Variants in CLDN1 observed in about 807,000 individuals in gnomAD.
CLDN1 encodes claudin-1.
In CLDN1, 12 loss-of-function variants were observed where a neutral mutation model predicts 22.6. That is an observed-to-expected ratio of 0.53 (90% CI 0.34 to 0.86). The LOEUF (loss-of-function observed/expected upper bound fraction) is 0.86. Ranked by LOEUF, CLDN1 falls within the 40% of genes least tolerant of loss-of-function variation. The probability of loss-of-function intolerance (pLI) is 0.02; values close to 1 mark genes in which losing one functional copy is unlikely to be tolerated. For missense variants in CLDN1, 250 were observed against 269.5 expected (o/e 0.93, Z 0.51); for synonymous variants, 99 against 103.8 (o/e 0.95, Z 0.28).
intron 2 of CLDN1, among the ~76,000 whole-genome samples, chr3:190,311,418 G>A (rs1298105153): frequency 1.3e-5 from 2 of 152,074 alleles, no homozygotes; most frequent in Non-Finnish European, 2.9e-5. Context: ...TGAGAGACTG[G>A]TCATTTTAAA....
At chr3:190,314,938 G>A (rs1381875372) in intron 1 of CLDN1, among the ~76,000 whole-genome samples, 2 of 152,040 alleles carry the variant, frequency 1.3e-5, no homozygotes, top group South Asian at 2.1e-4. Context: ...CATGTTCCAC[G>A]GACCACAGGT....
intron 1 of CLDN1, among the ~76,000 whole-genome samples, chr3:190,319,107 A>G (rs1258510547): frequency 1.3e-5 from 2 of 152,158 alleles, no homozygotes; most frequent in African/African-American, 4.8e-5. Context: ...CTCCTACAGC[A>G]ACTCAATCTT....
In CLDN1 at chr3:190,308,228, T is replaced by G. The variant is rs1716511443; in HGVS notation, c.*49A>C. 2 of 1,601,850 alleles carry G rather than the reference T, an allele frequency of 1.2e-6. No homozygotes were observed. Among genetic ancestry groups the G allele is most frequent in the East Asian group, 4.5e-5 (2 of 44,818 alleles). On this transcript the variant is annotated 3_prime_UTR_variant, in exon 4 of 4. Transcript: ENST00000295522. ...CCTAATGTTAATGATAGTATCTCAA[T>G]GTCCATTTTCGGTTTGTTTCAACAT...
At chr3:190,308,512 A>G in intron 3 of CLDN1, 73 bp from the exon 4 acceptor site, 1 of 1,369,086 alleles carries the variant, frequency 7.3e-7, no homozygotes, top group Non-Finnish European at 1.0e-6. Flanking sequence ...AAAAGGAAAA[A>G]AAATCAATAC....
chr3:190,318,506 C>A (rs1716829527), intron 1 of CLDN1, among the ~76,000 whole-genome samples: 1 of 152,164 alleles, frequency 6.6e-6, no homozygotes, highest in South Asian at 2.1e-4. Context: ...ATCATAGATT[C>A]ATCTCCCCAT....
In CLDN1 at chr3:190,312,981, T is replaced by C. The variant is rs766330594; in HGVS notation, c.279A>G (p.Ile93Met). The C allele has an allele frequency of 6.2e-7, 1 of 1,614,182 alleles. No homozygotes were observed. The highest frequency in any genetic ancestry group is 8.5e-7 in the Non-Finnish European group (1 of 1,180,028). ...TGCCAACGGTGGCCACAAAGATTGCTATCACTCCCAGGAGGATGCCAACCA... is the reference window on the plus strand; with the variant it reads ...TGCCAACGGTGGCCACAAAGATTGCCATCACTCCCAGGAGGATGCCAACCA... The part of the protein sequence containing the change: ...LMVVGILLGV[I>M]AIFVATVGMK... The change falls in exon 2 of 4, where the codon ATA (isoleucine) becomes ATG (methionine). Residue 93 changes from isoleucine (I) to methionine (M), a missense_variant. By Grantham distance (10) the Ile-to-Met change is conservative. Coordinates refer to ENST00000295522, the MANE Select transcript of CLDN1 (RefSeq NM_021101.5).
At chr3:190,317,372 C>T (rs1471259648) in intron 1 of CLDN1, among the ~76,000 whole-genome samples, 1 of 152,022 alleles carries the variant, frequency 6.6e-6, no homozygotes, top group Non-Finnish European at 1.5e-5. Context: ...ATTAAAGACC[C>T]CCTAAGGAGT....
chr3:190,318,749 C>T (rs1281830533), intron 1 of CLDN1, among the ~76,000 whole-genome samples: 2 of 152,174 alleles, frequency 1.3e-5, no homozygotes, highest in Admixed American at 1.3e-4. Context: ...TCAGCAGGCA[C>T]AACGCATCTG....
At chr3:190,309,914 A>C (rs1423624595) in intron 3 of CLDN1, among the ~76,000 whole-genome samples, 2 of 152,226 alleles carry the variant, frequency 1.3e-5, no homozygotes, top group Non-Finnish European at 2.9e-5. Flanking sequence ...AACAAAAGAA[A>C]GCCCAGTTAT....
At chr3:190,319,615 C>T (rs946752812) in intron 1 of CLDN1, among the ~76,000 whole-genome samples, 9 of 152,122 alleles carry the variant, frequency 5.9e-5, no homozygotes, top group African/African-American at 2.2e-4. Context: ...TGCATCTGGC[C>T]GGGAAGACAA....
chr3:190,310,325 C>A, intron 2 of CLDN1, 72 bp from the exon 3 acceptor site: 3 of 1,162,926 alleles, frequency 2.6e-6, no homozygotes, highest in South Asian at 2.5e-5. Flanking sequence ...CCTGTTAAAC[C>A]AAAACATATT....
intron 2 of CLDN1, among the ~76,000 whole-genome samples, chr3:190,311,220 T>C (rs781463887): frequency 6.6e-6 from 1 of 152,200 alleles, no homozygotes. Flanking sequence ...ATGTGGGAGT[T>C]ACAAGAAGGC....
chr3:190,317,161 AC>A lies in CLDN1; in HGVS notation c.224-4126del, dbSNP rs529092350. ...CTTTGAATTGGTCTGATTAGAACAA[AC>A]CTAGGAACAAACATATTCCTTTTCT... On this transcript the variant is annotated intron_variant, in intron 1 of 3. Transcript: ENST00000295522. 1.0e-3 allele frequency among the ~76,000 whole-genome samples: 153 copies of A among 152,290 alleles called. 1 individual carries two copies. Among genetic ancestry groups the A allele is most frequent in the African/African-American group, 3.5e-3 (144 of 41,554 alleles).
chr3:190,318,363 C>T (rs1716824976), intron 1 of CLDN1, among the ~76,000 whole-genome samples: 1 of 152,148 alleles, frequency 6.6e-6, no homozygotes, highest in Non-Finnish European at 1.5e-5. Flanking sequence ...ATGTGACTTG[C>T]CTCTTCCCCT....
At position 190,308,355 on chromosome 3, in the gene CLDN1, A is replaced by C. The variant is rs749025339; in HGVS notation, c.558T>G (p.Cys186Trp). Residue 186 changes from cysteine (C) to tryptophan (W), a missense_variant, in exon 4 of 4, where the codon TGT becomes TGG. Coordinates refer to ENST00000295522, the MANE Select transcript of CLDN1 (RefSeq NM_021101.5). ...TTGGGTAAGAGGTTGTTTTTCGGGG[A>C]CAGGAACAGCAAAGTAGGGCACCTC... ...LLGGALLCCS[C>W]PRKTTSYPTP... 1.6e-5 allele frequency: 26 copies of C among 1,613,718 alleles called. 1 individual carries two copies. The highest frequency in any genetic ancestry group is 2.2e-5 in the Non-Finnish European group (26 of 1,179,880).
intron 1 of CLDN1, among the ~76,000 whole-genome samples, chr3:190,315,461 A>G (rs1279044857): frequency 6.6e-6 from 1 of 152,214 alleles, no homozygotes; most frequent in South Asian, 2.1e-4. Context: ...TAGGGTAAGA[A>G]GATGGATTCT....
rs1716475082 is a variant in CLDN1 at position 190,307,101 on chromosome 3, C to T, written c.*1176G>A. On this transcript the variant is annotated 3_prime_UTR_variant, in exon 4 of 4. Coordinates refer to ENST00000295522, the MANE Select transcript of CLDN1 (RefSeq NM_021101.5). ...ATAAACTAATTAATATTCACACTAC[C>T]TCTTCTAACTGGTTAAGTATCATTA... 6.6e-6 allele frequency: 1 copy of T among 152,564 alleles called. No homozygotes were observed. The highest frequency in any genetic ancestry group is 6.6e-5 in the Admixed American group (1 of 15,266). 9.5% of individuals were successfully genotyped at this position (152,564 alleles called of 1,614,324 possible). A position where few individuals can be genotyped will look rare whatever the true frequency, so the allele number is the denominator to read the frequency against.
intron 1 of CLDN1, among the ~76,000 whole-genome samples, chr3:190,317,395 C>T (rs776033143): frequency 1.3e-5 from 2 of 152,148 alleles, no homozygotes; most frequent in Non-Finnish European, 2.9e-5. Context: ...TCATCATTTT[C>T]CACCTGAAAG....
chr3:190,309,226 T>C (rs73190597), intron 3 of CLDN1, among the ~76,000 whole-genome samples: 9,536 of 152,280 alleles, frequency 0.063, 389 homozygotes, highest in Middle Eastern at 0.11. Context: ...AAATAACAAT[T>C]GCAAAATGGC....
Sources: allele counts gnomAD v4.1 joint callset (sites outside exome capture counted in the v4.1 genomes callset), GRCh38; gene constraint gnomAD v4.1.1; transcripts MANE v1.5; gene names NCBI Gene and HGNC (gene_info 2026-07-23, HGNC 2026-07-21).